CFDP1: variants seen among roughly 807,000 people sequenced by gnomAD.
CFDP1 encodes chromatin remodeling protein CFDP1.
A neutral mutation model predicts 40.1 loss-of-function variants in CFDP1; 31 were observed. The ratio of observed to expected loss-of-function variants is 0.77; its 90% CI spans 0.58 to 1.04. The LOEUF (loss-of-function observed/expected upper bound fraction) is 1.04, where lower values mean the gene tolerates loss of function less well. Among genes scored for constraint, CFDP1 ranks in the 50% least tolerant of loss-of-function variants. The pLI, the probability that CFDP1 is intolerant of heterozygous loss-of-function variation, is 0.00. For synonymous variants in CFDP1, 167 were observed against 120.0 expected (o/e 1.39, Z -2.56); for missense variants, 423 against 343.4 (o/e 1.23, Z -1.83).
At chr16:75,374,873 C>T (rs1351040093) in intron 5 of CFDP1, among the ~76,000 whole-genome samples, 1 of 152,030 alleles carries the variant, frequency 6.6e-6, no homozygotes, top group African/African-American at 2.4e-5. Context: ...ATACCTATAG[C>T]ACATCTCAAT....
At chr16:75,315,689 A>G (rs1349862557) in intron 5 of CFDP1, among the ~76,000 whole-genome samples, 1 of 152,188 alleles carries the variant, frequency 6.6e-6, no homozygotes, top group African/African-American at 2.4e-5. Flanking sequence ...TTTTCTTTCT[A>G]TATATAGATT....
At chr16:75,387,794 A>G (rs568245865) in intron 5 of CFDP1, among the ~76,000 whole-genome samples, 2 of 152,380 alleles carry the variant, frequency 1.3e-5, no homozygotes, top group East Asian at 3.8e-4. Flanking sequence ...GCTGACAGGT[A>G]TCAATGTACA....
chr16:75,295,922 G>A (rs1380710553), intron 6 of CFDP1, among the ~76,000 whole-genome samples: 1 of 152,168 alleles, frequency 6.6e-6, no homozygotes, highest in East Asian at 1.9e-4. Context: ...TTCTTGAGTG[G>A]GGGCTGCTAA....
At chr16:75,415,739 T>C (rs371195305) in intron 1 of CFDP1, among the ~76,000 whole-genome samples, 4 of 152,366 alleles carry the variant, frequency 2.6e-5, no homozygotes, top group East Asian at 3.9e-4. Flanking sequence ...TAGTGTGTCA[T>C]TGTATGACTA....
chr16:75,314,065 A>G lies in CFDP1; in HGVS notation c.651-8883T>C, dbSNP rs190504318. Among the ~76,000 whole-genome samples, 368 of 152,068 alleles carry G rather than the reference A, an allele frequency of 2.4e-3. 2 individuals carry two copies. The highest frequency in any genetic ancestry group is 8.1e-3 in the African/African-American group (338 of 41,474). ...ATGCCTGGCTAATTTTTGCATTTTT[A>G]ATAGACATGGGGTTTCGCCATGTTG... On this transcript the variant is annotated intron_variant, in intron 5 of 6. Coordinates refer to ENST00000283882, the MANE Select transcript of CFDP1 (RefSeq NM_006324.3).
chr16:75,420,285 A>G (rs191867287), intron 1 of CFDP1, among the ~76,000 whole-genome samples: 1 of 152,344 alleles, frequency 6.6e-6, no homozygotes, highest in East Asian at 1.9e-4. Flanking sequence ...ATAGTTATCA[A>G]CCAGATATTG....
At chr16:75,418,593 G>A (rs2079238263) in intron 1 of CFDP1, among the ~76,000 whole-genome samples, 1 of 152,076 alleles carries the variant, frequency 6.6e-6, no homozygotes, top group Non-Finnish European at 1.5e-5. Flanking sequence ...ACAGGCGTGA[G>A]CCAACGCGCC....
intron 5 of CFDP1, among the ~76,000 whole-genome samples, chr16:75,361,203 G>A (rs2078677237): frequency 6.6e-6 from 1 of 152,038 alleles, no homozygotes; most frequent in Admixed American, 6.5e-5. Context: ...TAGCGATGGG[G>A]TTTTGCCATG....
chr16:75,411,859 T>C lies in CFDP1; in HGVS notation c.496A>G (p.Thr166Ala), dbSNP rs769628360. 42 of 1,611,394 alleles carry C rather than the reference T, an allele frequency of 2.6e-5. No homozygotes were observed. The highest frequency in any genetic ancestry group is 3.5e-5 in the Non-Finnish European group (41 of 1,179,532). ...KPKETEKVKI[T>A]KVFDFAGEEV... ...TCACCAGCAAAATCAAACACCTTGGTGATTTTAACTTTTTCTGTTTCTTTA... is the reference window on the plus strand; with the variant it reads ...TCACCAGCAAAATCAAACACCTTGGCGATTTTAACTTTTTCTGTTTCTTTA... The change falls in exon 4 of 7, where the codon ACC becomes GCC. Residue 166 changes from threonine (T) to alanine (A), a missense_variant. Coordinates refer to ENST00000283882, the MANE Select transcript of CFDP1 (RefSeq NM_006324.3).
intron 1 of CFDP1, among the ~76,000 whole-genome samples, chr16:75,424,803 C>G (rs1271350016): frequency 6.6e-6 from 1 of 151,420 alleles, no homozygotes; most frequent in Non-Finnish European, 1.5e-5. Context: ...TGTCCCCTCT[C>G]ACCACTAGCA....
At chr16:75,367,360 G>C (rs2151536221) in intron 5 of CFDP1, among the ~76,000 whole-genome samples, 1 of 149,944 alleles carries the variant, frequency 6.7e-6, no homozygotes, top group East Asian at 1.9e-4. Context: ...GTTGACAGGT[G>C]CAGCAAACCA....
chr16:75,380,516 AG>A (rs1487397824), intron 5 of CFDP1, among the ~76,000 whole-genome samples: 1 of 152,110 alleles, frequency 6.6e-6, no homozygotes, highest in Admixed American at 6.6e-5. Context: ...TAAGGCTAAA[AG>A]TGGAAAGTCA....
intron 4 of CFDP1, among the ~76,000 whole-genome samples, chr16:75,410,079 A>AAAAAC (rs1567676828): frequency 6.7e-6 from 1 of 150,220 alleles, no homozygotes; most frequent in African/African-American, 2.4e-5. Context: ...AAAAAAAAAA[A>AAAAAC]AAAAAAACCC....
intron 5 of CFDP1, among the ~76,000 whole-genome samples, chr16:75,328,537 C>A (rs1241319174): frequency 1.2e-4 from 15 of 129,536 alleles, no homozygotes; most frequent in South Asian, 5.6e-4. Flanking sequence ...AGGCGGAGGG[C>A]GCAGTGAGCC....
intron 5 of CFDP1, among the ~76,000 whole-genome samples, chr16:75,333,374 C>T (rs1407715088): frequency 2.6e-5 from 4 of 151,864 alleles, no homozygotes; most frequent in East Asian, 1.9e-4. Flanking sequence ...CCGCCCGCCT[C>T]GGCCTCCCAA....
chr16:75,308,169 G>C (rs1389237219), intron 5 of CFDP1, among the ~76,000 whole-genome samples: 1 of 152,172 alleles, frequency 6.6e-6, no homozygotes, highest in Non-Finnish European at 1.5e-5. Context: ...CAAGCCATTG[G>C]GGCTAGCCTG....
intron 5 of CFDP1, among the ~76,000 whole-genome samples, chr16:75,307,992 C>T (rs940652631): frequency 6.6e-6 from 1 of 152,190 alleles, no homozygotes; most frequent in African/African-American, 2.4e-5. Context: ...TGCTTGTGAA[C>T]TCTTATTTCA....
chr16:75,294,095 C>T (rs1201315768), intron 6 of CFDP1, 53 bp from the exon 7 acceptor site: 1 of 1,342,410 alleles, frequency 7.4e-7, no homozygotes, highest in African/African-American at 1.4e-5. Context: ...AAAACTCCTC[C>T]CCTGCACAGT....
intron 1 of CFDP1, among the ~76,000 whole-genome samples, chr16:75,421,591 C>T (rs1217873203): frequency 1.3e-5 from 2 of 152,092 alleles, no homozygotes; most frequent in Non-Finnish European, 2.9e-5. Flanking sequence ...GCCAAACCAA[C>T]TAAGAATCAG....
Sources: allele counts gnomAD v4.1 joint callset (sites outside exome capture counted in the v4.1 genomes callset), GRCh38; gene constraint gnomAD v4.1.1; transcripts MANE v1.5; gene names NCBI Gene and HGNC (gene_info 2026-07-23, HGNC 2026-07-21).